DCDC2C: variants seen among roughly 807,000 people sequenced by gnomAD.
The protein encoded by DCDC2C is doublecortin domain-containing protein 2C.
DCDC2C carries 44 observed loss-of-function variants against 45.0 expected under a neutral mutation model. That is an observed-to-expected ratio of 0.98 (90% confidence interval 0.77 to 1.26). DCDC2C has a LOEUF of 1.26. Among genes scored for constraint, DCDC2C ranks in the 50% most tolerant of loss-of-function variants. DCDC2C has a pLI of 0.00. For missense variants in DCDC2C, 447 were observed against 468.9 expected (o/e 0.95, Z 0.43); for synonymous variants, 187 against 178.8 (o/e 1.05, Z -0.37).
intron 10 of DCDC2C, among the ~76,000 whole-genome samples, chr2:3,794,511 C>T (rs912093008): frequency 1.3e-5 from 2 of 152,114 alleles, no homozygotes; most frequent in African/African-American, 4.8e-5. Flanking sequence ...GCTATCCCTC[C>T]CCGCTCCCCC....
intron 10 of DCDC2C, among the ~76,000 whole-genome samples, chr2:3,843,090 T>C (rs1672253599): frequency 6.6e-6 from 1 of 152,232 alleles, no homozygotes; most frequent in Non-Finnish European, 1.5e-5. Flanking sequence ...ATCAAATTTA[T>C]GTTTCTAAGA....
At chr2:3,846,988 G>A (rs1465747825) in intron 10 of DCDC2C, among the ~76,000 whole-genome samples, 166 bp from the exon 11 acceptor site, 1 of 152,210 alleles carries the variant, frequency 6.6e-6, no homozygotes, top group African/African-American at 2.4e-5. Flanking sequence ...GCCGTGAGGA[G>A]CTGTGTGTGC....
chr2:3,769,415 G>C lies in DCDC2C; in HGVS notation c.954+4G>C, dbSNP rs552764143. 2.6e-6 allele frequency: 4 copies of C among 1,549,692 alleles called. No individual in the cohort carries two copies. In the African/African-American group the frequency reaches 5.5e-5, roughly 21 times the overall value. On this transcript the variant is annotated splice_donor_region_variant and intron_variant, in intron 8 of 10. Transcript: ENST00000399143. ...GCTGGAGGTGCCTGTGGACCAGGTGGGTGTCCGGGGTCCGATGTCCATGCC... is the reference window on the plus strand; with the variant it reads ...GCTGGAGGTGCCTGTGGACCAGGTGCGTGTCCGGGGTCCGATGTCCATGCC...
At position 3,806,044 on chromosome 2, in the gene DCDC2C, CA is replaced by C. The variant is rs548418619; in HGVS notation, c.1065+20945del. On this transcript the variant is annotated intron_variant, in intron 10 of 10. Coordinates refer to ENST00000399143, the MANE Select transcript of DCDC2C (RefSeq NM_001287444.2). The stretch of plus-strand genomic sequence containing the variant: ...AGGGATTAGGTCTTGCTGCATTGCC[CA>C]GGCTGGTCTTGACCTCCTGGACTCA... 2.0e-4 allele frequency among the ~76,000 whole-genome samples: 30 copies of C among 151,820 alleles called. No individual in the cohort carries two copies. The East Asian group carries it at 5.8e-3, about 29-fold the overall frequency.
rs116949057 is a variant in DCDC2C, at chr2:3,725,245, C to T, written c.340-1758C>T. Among the ~76,000 whole-genome samples the T allele has an allele frequency of 4.1e-3, 630 of 152,210 alleles. 18 individuals carry two copies. The East Asian group carries it at 0.082, about 20-fold the overall frequency. On this transcript the variant is annotated intron_variant, in intron 2 of 10. Transcript: ENST00000399143. ...TGTCAGCTTAGGGGTGGCTTCCCAG[C>T]GCTGGGCCTTGGAAGGGCAGTGTAC...
intron 4 of DCDC2C, among the ~76,000 whole-genome samples, chr2:3,749,251 G>C (rs1415315150): frequency 2.0e-5 from 3 of 152,140 alleles, no homozygotes; most frequent in Non-Finnish European, 4.4e-5. Context: ...TGCATTTAGT[G>C]CTCACATTTT....
chr2:3,820,999 A>C (rs1375752883), intron 10 of DCDC2C, among the ~76,000 whole-genome samples: 1 of 152,180 alleles, frequency 6.6e-6, no homozygotes, highest in Non-Finnish European at 1.5e-5. Flanking sequence ...TTGTGTGAGC[A>C]ACAAGGCTGT....
intron 8 of DCDC2C, among the ~76,000 whole-genome samples, chr2:3,772,806 A>C (rs1385896864): frequency 2.0e-5 from 3 of 152,378 alleles, no homozygotes; most frequent in Middle Eastern, 3.4e-3. Context: ...CAACGGACAC[A>C]GGGCTTTCTG....
chr2:3,730,024 TGAG>T lies in DCDC2C; in HGVS notation c.416+2949_416+2951del, dbSNP rs563723038. On this transcript the variant is annotated intron_variant, in intron 3 of 10. Transcript: ENST00000399143. ...ACCACCACCTGTCATAAGGGGGACT[TGAG>T]GAGAAGGGTCCAGCCGTTGCTTCCA... is the stretch of plus-strand genomic sequence containing the variant. Among the ~76,000 whole-genome samples, 72 of 152,218 alleles carry T rather than the reference TGAG, an allele frequency of 4.7e-4. No individual in the cohort carries two copies. The East Asian group carries it at 5.4e-3, about 11-fold the overall frequency.
At chr2:3,739,865 A>T (rs954995791) in intron 3 of DCDC2C, among the ~76,000 whole-genome samples, 1 of 152,224 alleles carries the variant, frequency 6.6e-6, no homozygotes, top group Non-Finnish European at 1.5e-5. Context: ...ACACAGGCCC[A>T]CTGGGGCTTC....
chr2:3,776,862 A>G (rs908553377), intron 8 of DCDC2C, among the ~76,000 whole-genome samples: 9 of 152,190 alleles, frequency 5.9e-5, no homozygotes, highest in Non-Finnish European at 5.9e-5. Context: ...CTCTGCATGA[A>G]TGACACCCAG....
At chr2:3,824,802 T>C (rs1035209685) in intron 10 of DCDC2C, among the ~76,000 whole-genome samples, 36 of 152,010 alleles carry the variant, frequency 2.4e-4, no homozygotes, top group African/African-American at 8.5e-4. Flanking sequence ...GAGGTTTCTC[T>C]TTTTTTCTGT....
At chr2:3,711,346 G>A (rs1031146002) in intron 2 of DCDC2C, among the ~76,000 whole-genome samples, 1 of 151,996 alleles carries the variant, frequency 6.6e-6, no homozygotes, top group Non-Finnish European at 1.5e-5. Context: ...GCACATGTAT[G>A]TTCACTGCAG....
intron 9 of DCDC2C, among the ~76,000 whole-genome samples, chr2:3,782,430 C>A (rs962786324): frequency 1.3e-5 from 2 of 151,936 alleles, no homozygotes; most frequent in South Asian, 4.2e-4. Context: ...CATTTTTCAT[C>A]CTTAAAGATG....
chr2:3,803,835 G>C (rs1239665063), intron 10 of DCDC2C, among the ~76,000 whole-genome samples: 1 of 152,206 alleles, frequency 6.6e-6, no homozygotes, highest in Non-Finnish European at 1.5e-5. Context: ...CCTCAGCACT[G>C]GCTGGTGCAG....
At chr2:3,738,164 A>T (rs538433996) in intron 3 of DCDC2C, among the ~76,000 whole-genome samples, 1 of 152,332 alleles carries the variant, frequency 6.6e-6, no homozygotes, top group African/African-American at 2.4e-5. Flanking sequence ...GAACTGATGA[A>T]ATTTGGTAAA....
chr2:3,754,826 G>A (rs1669644190), intron 6 of DCDC2C, among the ~76,000 whole-genome samples, 192 bp downstream of exon 6: 3 of 152,220 alleles, frequency 2.0e-5, no homozygotes, highest in East Asian at 1.9e-4. Context: ...AGTAGGAGAG[G>A]AAGTTTATGT....
chr2:3,732,569 C>G (rs1246719855), intron 3 of DCDC2C, among the ~76,000 whole-genome samples: 1 of 152,072 alleles, frequency 6.6e-6, no homozygotes, highest in Non-Finnish European at 1.5e-5. Flanking sequence ...TTCCAAAATA[C>G]CAGATCTCAT....
At chr2:3,835,999 C>A (rs1672066477) in intron 10 of DCDC2C, among the ~76,000 whole-genome samples, 2 of 152,162 alleles carry the variant, frequency 1.3e-5, no homozygotes, top group Non-Finnish European at 2.9e-5. Context: ...TTACCTTGAC[C>A]TCCCAAAGTG....
Sources: allele counts gnomAD v4.1 joint callset (sites outside exome capture counted in the v4.1 genomes callset), GRCh38; gene constraint gnomAD v4.1.1; transcripts MANE v1.5; gene names NCBI Gene and HGNC (gene_info 2026-07-23, HGNC 2026-07-21).